The following RBFOX1 variants were observed in gnomAD, a reference collection of about 807,000 sequenced individuals.
RBFOX1 encodes the protein RNA binding protein fox-1 homolog 1.
Under a neutral mutation model 57.7 loss-of-function variants are expected in RBFOX1, and 8 were observed. The ratio of observed to expected loss-of-function variants is 0.14; its 90% CI spans 0.08 to 0.25. The LOEUF is 0.25. RBFOX1 is among the 10% of genes least tolerant of loss of function. The pLI is 1.00. For missense variants in RBFOX1, 611 were observed against 548.5 expected, an observed-to-expected ratio of 1.11 and a Z score of -1.14; for synonymous variants, 326 against 222.4, an observed-to-expected ratio of 1.47 and a Z score of -4.15.
At chr16:6,322,278 A>G (rs2081897987) in intron 2 of RBFOX1, among the ~76,000 whole-genome samples, 1 of 152,204 alleles carries the variant, frequency 6.6e-6, no homozygotes, top group South Asian at 2.1e-4. Context: ...AAACAAGAAT[A>G]TCGTCTAGTT....
intron 3 of RBFOX1, among the ~76,000 whole-genome samples, chr16:6,911,658 G>A (rs1023054102): frequency 7.2e-5 from 11 of 152,256 alleles, no homozygotes; most frequent in Middle Eastern, 3.4e-3. Flanking sequence ...ACATCTTTTG[G>A]TGGGAACAAA....
intron 4 of RBFOX1, among the ~76,000 whole-genome samples, chr16:6,006,795 A>G (rs1024847837): frequency 6.6e-6 from 1 of 152,184 alleles, no homozygotes; most frequent in Non-Finnish European, 1.5e-5. Context: ...GATAAGATAC[A>G]ATGAGTGGAA....
chr16:6,842,380 G>A (rs1448924791), intron 3 of RBFOX1, among the ~76,000 whole-genome samples: 1 of 151,898 alleles, frequency 6.6e-6, no homozygotes, highest in African/African-American at 2.4e-5. Flanking sequence ...GAGAAGAAAT[G>A]TTCTCCTTAT....
intron 2 of RBFOX1, among the ~76,000 whole-genome samples, chr16:6,637,450 G>A (rs191385133): frequency 0.071 from 1,507 of 21,084 alleles, 212 homozygotes; most frequent in African/African-American, 0.17. Flanking sequence ...ATATGTAAAT[G>A]TATATAATAT....
At chr16:6,155,331 T>C (rs546809685) in intron 1 of RBFOX1, among the ~76,000 whole-genome samples, 6 of 152,292 alleles carry the variant, frequency 3.9e-5, no homozygotes, top group African/African-American at 1.4e-4. Flanking sequence ...GCCGTGGAGC[T>C]GTGCACTGTT....
chr16:6,153,605 G>A (rs151223209), intron 1 of RBFOX1, among the ~76,000 whole-genome samples: 2,177 of 151,934 alleles, frequency 0.014, 64 homozygotes, highest in African/African-American at 0.049. Context: ...GCATGATCTC[G>A]GCTCACTGCA....
intron 4 of RBFOX1, among the ~76,000 whole-genome samples, chr16:7,284,054 T>G (rs1418219602): frequency 5.3e-5 from 8 of 152,252 alleles, no homozygotes; most frequent in Non-Finnish European, 1.0e-4. Flanking sequence ...CCTTTAGGCC[T>G]GACTATCTCT....
chr16:6,962,414 C>A (rs77942144), intron 3 of RBFOX1, among the ~76,000 whole-genome samples: 1 of 152,148 alleles, frequency 6.6e-6, no homozygotes, highest in African/African-American at 2.4e-5. Context: ...ATTCAACCTG[C>A]TACAACCTGT....
chr16:7,288,923 C>G (rs568259417), intron 4 of RBFOX1, among the ~76,000 whole-genome samples: 1 of 152,202 alleles, frequency 6.6e-6, no homozygotes, highest in Non-Finnish European at 1.5e-5. Flanking sequence ...AGGGGAACAA[C>G]ATTGGAATCG....
chr16:7,479,325 C>T (rs995690710), intron 4 of RBFOX1, among the ~76,000 whole-genome samples: 1 of 151,898 alleles, frequency 6.6e-6, no homozygotes, highest in Non-Finnish European at 1.5e-5. Flanking sequence ...AGATGGGGGT[C>T]TCACTTTGTT....
intron 11 of RBFOX1, among the ~76,000 whole-genome samples, chr16:7,631,512 C>G (rs866546538): frequency 6.6e-6 from 1 of 152,296 alleles, no homozygotes; most frequent in African/African-American, 2.4e-5. Context: ...TAAAGAATCT[C>G]CCAGCCACAG....
At chr16:5,819,698 AC>A (rs1420342103) in intron 3 of RBFOX1, among the ~76,000 whole-genome samples, 1 of 152,124 alleles carries the variant, frequency 6.6e-6, no homozygotes. Flanking sequence ...TGCCTGGAAT[AC>A]CCTTTCCCTC....
chr16:7,035,295 CTTGCCCA>C (rs2044071685), intron 3 of RBFOX1, among the ~76,000 whole-genome samples: 1 of 152,138 alleles, frequency 6.6e-6, no homozygotes, highest in Non-Finnish European at 1.5e-5. Flanking sequence ...CTCACCCAGG[CTTGCCCA>C]TTTGACTGTG....
intron 1 of RBFOX1, among the ~76,000 whole-genome samples, chr16:6,266,668 C>G (rs373449172): frequency 6.6e-6 from 1 of 150,772 alleles, no homozygotes; most frequent in African/African-American, 2.4e-5. Flanking sequence ...GAGCTGAGAT[C>G]GCGCCATTGC....
At chr16:6,244,066 A>G (rs984844887) in intron 1 of RBFOX1, among the ~76,000 whole-genome samples, 8 of 152,120 alleles carry the variant, frequency 5.3e-5, no homozygotes, top group African/African-American at 1.7e-4. Flanking sequence ...AGGGAGTTGT[A>G]TTTCCATATA....
At chr16:6,534,491 T>C (rs1476973) in intron 2 of RBFOX1, among the ~76,000 whole-genome samples, 150,297 of 152,206 alleles carry the variant, frequency 0.99, 74,245 homozygotes, top group Middle Eastern at 1. Flanking sequence ...GTCCACAAAA[T>C]GGAGATGTGT....
intron 4 of RBFOX1, among the ~76,000 whole-genome samples, chr16:7,330,486 GTGTGTGTGTGTGTGTGTGTGTGTT>G (rs1479170010): frequency 0.014 from 1,650 of 115,056 alleles, 43 homozygotes; most frequent in African/African-American, 0.061. Context: ...GTGTGTGTGT[GTGTGTGTGTGTGTGTGTGTGTGTT>G]TGTGTGTGTG....
chr16:5,602,521 C>T (rs72763277), downstream of RBFOX1, among the ~76,000 whole-genome samples: 8,805 of 152,204 alleles, frequency 0.058, 385 homozygotes, highest in African/African-American at 0.12. Context: ...GAAAGATGCA[C>T]ATGACATACT....
chr16:6,067,773 T>C (rs2095786386), intron 1 of RBFOX1, among the ~76,000 whole-genome samples: 1 of 152,222 alleles, frequency 6.6e-6, no homozygotes, highest in African/African-American at 2.4e-5. Context: ...GCTCATTACC[T>C]AGAGCAAAAT....
Sources: gnomAD v4.1 joint callset for allele counts (sites outside exome capture counted in the v4.1 genomes callset) on GRCh38, gnomAD v4.1.1 for gene constraint, MANE v1.5 for transcripts, NCBI Gene and HGNC (gene_info 2026-07-23, HGNC 2026-07-21) for gene names.